The following CPN2 variants were observed in gnomAD, a reference collection of about 807,000 sequenced individuals.
CPN2 encodes the protein carboxypeptidase N subunit 2, also known as carboxypeptidase N 83 kDa chain.
For missense variants in CPN2, 620 were observed against 671.4 expected (o/e 0.92, Z 0.85); for synonymous variants, 336 against 318.4 (o/e 1.06, Z -0.59).
At chr3:194,349,438 AAT>A (rs1713174067) in intron 1 of CPN2, among the ~76,000 whole-genome samples, 1 of 152,248 alleles carries the variant, frequency 6.6e-6, no homozygotes, top group Non-Finnish European at 1.5e-5. Flanking sequence ...TCTGCTTAAA[AAT>A]ATATGTTCCA....
intron 1 of CPN2, among the ~76,000 whole-genome samples, chr3:194,347,095 C>G (rs759751113): frequency 1.3e-4 from 20 of 152,164 alleles, no homozygotes; most frequent in Non-Finnish European, 2.5e-4. Context: ...AGTGGGGTGG[C>G]AGCCAGAGGT....
chr3:194,341,485 G>T lies in CPN2; in HGVS notation c.1218C>A (p.Leu406=). Residue 406 remains leucine, a synonymous_variant, in exon 2 of 2, where the codon CTC becomes CTA. Coordinates refer to ENST00000323830, the MANE Select transcript of CPN2 (RefSeq NM_001080513.4). ...PWQCDCHLAY[L]FNWLQQYTDR... ...CGGTGTACTGCTGCAGCCAGTTGAAGAGGTAGGCCAGGTGGCAGTCGCACT... is the reference window on the plus strand; with the variant it reads ...CGGTGTACTGCTGCAGCCAGTTGAATAGGTAGGCCAGGTGGCAGTCGCACT... The T allele has an allele frequency of 6.2e-7, 1 of 1,614,234 alleles. No individual in the cohort carries two copies. Among genetic ancestry groups the T allele is most frequent in the Non-Finnish European group, 8.5e-7 (1 of 1,180,046 alleles).
rs1712846594 is a variant in CPN2 at position 194,341,910 on chromosome 3, C to G, written c.793G>C (p.Gly265Arg). ...HLPLSIFASL[G>R]NLTFLSLQWN... is the part of the protein sequence containing the mutation. The stretch of plus-strand genomic sequence containing the variant: ...TGCAAGCTCAGAAAGGTCAGATTAC[C>G]CAGGGAGGCAAAGATGGAGAGCGGC... Residue 265 changes from glycine to arginine, a missense_variant, in exon 2 of 2, where the codon GGT (glycine) becomes CGT (arginine). Gly to Arg is a moderately radical substitution (Grantham distance 125). Transcript: ENST00000323830. 1 of 1,614,012 alleles carries G rather than the reference C, an allele frequency of 6.2e-7. No homozygotes were observed. Among genetic ancestry groups the G allele is most frequent in the Non-Finnish European group, 8.5e-7 (1 of 1,180,036 alleles).
intron 1 of CPN2, among the ~76,000 whole-genome samples, chr3:194,345,604 T>C (rs1560037565): frequency 6.6e-6 from 1 of 152,196 alleles, no homozygotes; most frequent in Non-Finnish European, 1.5e-5. Context: ...TCCCCTGGAG[T>C]GATGGACCAG....
In CPN2 at chr3:194,345,215, TTGGGAGGCAGAGCCACCCCCC is replaced by T. The variant is rs1245363294; in HGVS notation, c.-3-2531_-3-2511del. On this transcript the variant is annotated intron_variant, in intron 1 of 1. Transcript: ENST00000323830. ...GCTCTCCAAGGCTGGGAAGAGCAGT[TTGGGAGGCAGAGCCACCCCCC>T]TGGGATGGGCAAACCCAGAACAAAT... 2.7e-5 allele frequency among the ~76,000 whole-genome samples: 4 copies of T among 145,494 alleles called. No individual in the cohort carries two copies. In the East Asian group the frequency reaches 7.8e-4, roughly 28 times the overall value.
In CPN2 at chr3:194,341,810, T is replaced by C. The variant is rs1361584206; in HGVS notation, c.893A>G (p.His298Arg). 1 of 1,613,878 alleles carries C rather than the reference T, an allele frequency of 6.2e-7. No individual in the cohort carries two copies. The highest frequency in any genetic ancestry group is 1.7e-5 in the Admixed American group (1 of 60,024). Residue 298 changes from histidine (H) to arginine (R), a missense_variant, in exon 2 of 2, where the codon CAT (histidine) becomes CGT (arginine). Transcript: ENST00000323830. ...TPCLVGLSLTHNQLETVAEGT... is the reference protein window; with the variant it reads ...TPCLVGLSLTRNQLETVAEGT... ...CTCAGCGACAGTCTCCAGCTGGTTA[T>C]GGGTCAGAGACAGGCCAACCAGGCA... is the stretch of plus-strand genomic sequence containing the variant.
At position 194,341,314 on chromosome 3, in the gene CPN2, C is replaced by T; in HGVS notation, c.1389G>A (p.Lys463=). 6.2e-7 allele frequency: 1 copy of T among 1,613,786 alleles called. No individual in the cohort carries two copies. The highest frequency in any genetic ancestry group is 1.3e-5 in the African/African-American group (1 of 75,078). Residue 463 remains lysine, a synonymous_variant, in exon 2 of 2, where the codon AAG becomes AAA. Coordinates refer to ENST00000323830, the MANE Select transcript of CPN2 (RefSeq NM_001080513.4). The stretch of plus-strand genomic sequence containing the variant: ...CAGCCAGATCCCAGCTGCCCCCTGC[C>T]TTGCTTTCGTCCGGCCACGTGACCT... ...GFQVTWPDES[K]AGGSWDLAVQ... is the part of the protein sequence containing the mutation.
intron 1 of CPN2, among the ~76,000 whole-genome samples, chr3:194,349,147 G>A (rs994747914): frequency 1.3e-5 from 2 of 152,064 alleles, no homozygotes; most frequent in African/African-American, 2.4e-5. Flanking sequence ...CATCACCTGA[G>A]ATCAAGAGTT....
Position 194,341,476 on chromosome 3 carries a change from C to T in CPN2, c.1227G>A (p.Trp409Ter), listed in dbSNP as rs1045816015. Residue 409 changes from tryptophan (W) to a stop codon, truncating the protein, a stop_gained, in exon 2 of 2, where the codon TGG (tryptophan) becomes TGA (stop). Transcript: ENST00000323830. LOFTEE classifies it low-confidence loss of function (END_TRUNC). Reference sequence around the variant, plus strand: ...GGAGCCGATCGGTGTACTGCTGCAGCCAGTTGAAGAGGTAGGCCAGGTGGC... The same window carrying T: ...GGAGCCGATCGGTGTACTGCTGCAGTCAGTTGAAGAGGTAGGCCAGGTGGC... ...CDCHLAYLFN[W>*]LQQYTDRLLN... 3.7e-5 allele frequency: 59 copies of T among 1,614,086 alleles called. No individual in the cohort carries two copies. The highest frequency in any genetic ancestry group is 5.0e-5 in the Non-Finnish European group (59 of 1,180,040).
chr3:194,350,846 T>G (rs1252508861), intron 1 of CPN2, among the ~76,000 whole-genome samples: 1 of 150,280 alleles, frequency 6.7e-6, no homozygotes, highest in African/African-American at 2.5e-5. Context: ...ATTATATTAA[T>G]AAATAATTAA....
chr3:194,342,570 G>A lies in CPN2; in HGVS notation c.133C>T (p.Leu45=). The change falls in exon 2 of 2, where the codon CTG becomes TTG. Residue 45 remains leucine, a synonymous_variant. Coordinates refer to ENST00000323830, the MANE Select transcript of CPN2 (RefSeq NM_001080513.4). ...CSDEELATVP[L]DIPPYTKNII... Reference sequence around the variant, plus strand: ...TTTTTCGTATATGGCGGGATGTCCAGTGGGACGGTGGCAAGCTCCTCATCT... The same window carrying A: ...TTTTTCGTATATGGCGGGATGTCCAATGGGACGGTGGCAAGCTCCTCATCT... 1 of 1,614,134 alleles carries A rather than the reference G, an allele frequency of 6.2e-7. No individual in the cohort carries two copies. Among genetic ancestry groups the A allele is most frequent in the Non-Finnish European group, 8.5e-7 (1 of 1,180,018 alleles).
At position 194,341,457 on chromosome 3, in the gene CPN2, G is replaced by C; in HGVS notation, c.1246C>G (p.Arg416Gly). The change falls in exon 2 of 2, where the codon CGG becomes GGG. Residue 416 changes from arginine to glycine, a missense_variant. Transcript: ENST00000323830. Reference protein sequence around the residue: ...LFNWLQQYTDRLLNIQTYCAG... With the variant: ...LFNWLQQYTDGLLNIQTYCAG... ...CAGTAGGTCTGGATGTTCAGGAGCCGATCGGTGTACTGCTGCAGCCAGTTG... is the reference window on the plus strand; with the variant it reads ...CAGTAGGTCTGGATGTTCAGGAGCCCATCGGTGTACTGCTGCAGCCAGTTG... 6.2e-7 allele frequency: 1 copy of C among 1,614,228 alleles called. No individual in the cohort carries two copies. Among genetic ancestry groups the C allele is most frequent in the Non-Finnish European group, 8.5e-7 (1 of 1,180,042 alleles).
chr3:194,349,905 G>A (rs1477267216), intron 1 of CPN2, among the ~76,000 whole-genome samples: 5 of 144,128 alleles, frequency 3.5e-5, no homozygotes, highest in African/African-American at 1.0e-4. Context: ...GGGTTCAAGC[G>A]ATTCTCCTGC....
At chr3:194,342,748 C>T (rs1395405412) in intron 1 of CPN2, 43 bp from the exon 2 acceptor site, 1 of 839,116 alleles carries the variant, frequency 1.2e-6, no homozygotes, top group Admixed American at 2.2e-5. Flanking sequence ...GAAACTTGAT[C>T]ATCACACAGC....
chr3:194,350,810 C>G (rs1713238638), intron 1 of CPN2, among the ~76,000 whole-genome samples: 1 of 151,834 alleles, frequency 6.6e-6, no homozygotes, highest in South Asian at 2.1e-4. Context: ...AGCAACATAA[C>G]AAGACCCCCA....
chr3:194,348,629 G>T (rs1481086149), intron 1 of CPN2, among the ~76,000 whole-genome samples: 1 of 152,240 alleles, frequency 6.6e-6, no homozygotes, highest in Non-Finnish European at 1.5e-5. Flanking sequence ...AGTGGCTCAT[G>T]CCTGTCATCC....
At chr3:194,342,938 T>C (rs1712917091) in intron 1 of CPN2, among the ~76,000 whole-genome samples, 2 of 152,108 alleles carry the variant, frequency 1.3e-5, no homozygotes, top group South Asian at 2.1e-4. Flanking sequence ...AAGGAGACCA[T>C]GGGCATTGTG....
chr3:194,349,894 C>T (rs921732677), intron 1 of CPN2, among the ~76,000 whole-genome samples: 2 of 147,422 alleles, frequency 1.4e-5, no homozygotes, highest in East Asian at 2.0e-4. Context: ...CTCTGCCTCC[C>T]GGGTTCAAGC....
intron 1 of CPN2, among the ~76,000 whole-genome samples, chr3:194,344,014 ACTT>A (rs1159933141): frequency 3.9e-5 from 6 of 152,192 alleles, no homozygotes; most frequent in African/African-American, 1.2e-4. Flanking sequence ...TTCTTAATCA[ACTT>A]CTTCTCAGTA....
Sources: allele counts gnomAD v4.1 joint callset (sites outside exome capture counted in the v4.1 genomes callset), GRCh38; gene constraint gnomAD v4.1.1; transcripts MANE v1.5; gene names NCBI Gene and HGNC (gene_info 2026-07-23, HGNC 2026-07-21).